UNC5D: variants seen among roughly 807,000 people sequenced by gnomAD.
UNC5D encodes the protein netrin receptor UNC5D.
In UNC5D, 39 loss-of-function variants were observed where a neutral mutation model predicts 105.4. The observed-to-expected ratio is 0.37, with a 90% confidence interval of 0.29 to 0.48. UNC5D has a LOEUF of 0.48. Ranked by LOEUF, UNC5D falls within the 20% of genes least tolerant of loss-of-function variation. UNC5D has a pLI of 0.98. For missense variants in UNC5D, 991 were observed against 1,202.4 expected (o/e 0.82, Z 2.60); for synonymous variants, 452 against 450.4 (o/e 1.00, Z -0.04).
rs371386976 is a variant in UNC5D at position 35,438,186 on chromosome 8, G to A, written c.104-111106G>A. ...AGAAGGCAATATGATACAGTAAGGA[G>A]ACCGACTCCAGACAGACGTGGCTTT... On this transcript the variant is annotated intron_variant, in intron 1 of 16. Coordinates refer to ENST00000404895, the MANE Select transcript of UNC5D (RefSeq NM_080872.4). Among the ~76,000 whole-genome samples, 26 of 152,116 alleles carry A rather than the reference G, an allele frequency of 1.7e-4. No individual in the cohort carries two copies. In the East Asian group the frequency reaches 2.7e-3, roughly 16 times the overall value.
intron 1 of UNC5D, among the ~76,000 whole-genome samples, chr8:35,257,312 T>C (rs1804153647): frequency 6.6e-6 from 1 of 152,158 alleles, no homozygotes; most frequent in Non-Finnish European, 1.5e-5. Flanking sequence ...CAGTTTTTCC[T>C]ACTGTGTAAC....
At position 35,552,154 on chromosome 8, in the gene UNC5D, C is replaced by T. The variant is rs1324842778; in HGVS notation, c.322+2644C>T. Reference sequence around the variant, plus strand: ...GCCCCTTTTAGAGATGTTCTTCAGACCAAAGCATGCGTAGAATCCTAGAAT... The same window carrying T: ...GCCCCTTTTAGAGATGTTCTTCAGATCAAAGCATGCGTAGAATCCTAGAAT... On this transcript the variant is annotated intron_variant, in intron 2 of 16. Coordinates refer to ENST00000404895, the MANE Select transcript of UNC5D (RefSeq NM_080872.4). 5.9e-5 allele frequency among the ~76,000 whole-genome samples: 9 copies of T among 152,238 alleles called. No homozygotes were observed. In the East Asian group the frequency reaches 1.2e-3, roughly 20 times the overall value.
intron 1 of UNC5D, among the ~76,000 whole-genome samples, chr8:35,393,795 T>A (rs113990865): frequency 5.9e-5 from 9 of 152,342 alleles, no homozygotes; most frequent in African/African-American, 2.2e-4. Flanking sequence ...AGAAGATATG[T>A]GGCTCCTATG....
At chr8:35,584,883 T>G (rs2130856811) in intron 3 of UNC5D, among the ~76,000 whole-genome samples, 1 of 152,350 alleles carries the variant, frequency 6.6e-6, no homozygotes, top group East Asian at 1.9e-4. Flanking sequence ...GTTAAGATTT[T>G]TATCTTCCTA....
intron 4 of UNC5D, among the ~76,000 whole-genome samples, chr8:35,600,007 G>A (rs536430325): frequency 6.6e-6 from 1 of 151,880 alleles, no homozygotes; most frequent in Admixed American, 6.6e-5. Flanking sequence ...CTGTGTCCAT[G>A]TGTTCTCATT....
chr8:35,460,443 G>T (rs1203985373), intron 1 of UNC5D, among the ~76,000 whole-genome samples: 1 of 152,140 alleles, frequency 6.6e-6, no homozygotes, highest in Non-Finnish European at 1.5e-5. Flanking sequence ...GCCTGAACTT[G>T]TTAACTGGAA....
At chr8:35,339,804 A>G (rs1051987935) in intron 1 of UNC5D, among the ~76,000 whole-genome samples, 1 of 152,204 alleles carries the variant, frequency 6.6e-6, no homozygotes, top group Non-Finnish European at 1.5e-5. Context: ...ATTGTTCTAA[A>G]GCACCATCTT....
At chr8:35,660,358 G>A (rs891434244) in intron 4 of UNC5D, among the ~76,000 whole-genome samples, 5 of 152,124 alleles carry the variant, frequency 3.3e-5, no homozygotes, top group Non-Finnish European at 5.9e-5. Flanking sequence ...TAGTTGCTTC[G>A]CAGCTATTTT....
rs1586467236 is a variant in UNC5D, at chr8:35,698,461, G to T, written c.1085-7468G>T. ...CTCAGCAACCACCATTCTACTCTCT[G>T]TCTCTATGAGTTTGGTATCTTTAGA... On this transcript the variant is annotated intron_variant, in intron 7 of 16. Coordinates refer to ENST00000404895, the MANE Select transcript of UNC5D (RefSeq NM_080872.4). Among the ~76,000 whole-genome samples the T allele has an allele frequency of 2.0e-5, 3 of 151,518 alleles. No individual in the cohort carries two copies. In the East Asian group the frequency reaches 5.8e-4, roughly 29 times the overall value.
At chr8:35,580,916 G>T (rs1341846196) in intron 3 of UNC5D, among the ~76,000 whole-genome samples, 1 of 152,192 alleles carries the variant, frequency 6.6e-6, no homozygotes, top group African/African-American at 2.4e-5. Context: ...TTTAAAAAGT[G>T]TAGAGAGGGA....
intron 1 of UNC5D, among the ~76,000 whole-genome samples, chr8:35,374,007 T>A (rs901712107): frequency 6.6e-6 from 1 of 152,172 alleles, no homozygotes; most frequent in Non-Finnish European, 1.5e-5. Flanking sequence ...TAAAAGGCTA[T>A]TTTTTATATG....
intron 1 of UNC5D, among the ~76,000 whole-genome samples, chr8:35,367,752 C>G (rs1485684563): frequency 6.6e-6 from 1 of 152,086 alleles, no homozygotes; most frequent in Non-Finnish European, 1.5e-5. Flanking sequence ...GTTGCTGGAG[C>G]CTTGGAGTTT....
chr8:35,381,105 G>C (rs1803018761), intron 1 of UNC5D, among the ~76,000 whole-genome samples: 1 of 152,042 alleles, frequency 6.6e-6, no homozygotes, highest in Non-Finnish European at 1.5e-5. Flanking sequence ...CTTCCAGGAA[G>C]AATTATTGAT....
intron 1 of UNC5D, among the ~76,000 whole-genome samples, chr8:35,309,831 A>G (rs1808738383): frequency 6.6e-6 from 1 of 152,178 alleles, no homozygotes; most frequent in African/African-American, 2.4e-5. Context: ...ATAGGGCCCA[A>G]ATAATTGCAT....
chr8:35,519,465 A>G (rs1274543930), intron 1 of UNC5D, among the ~76,000 whole-genome samples: 1 of 152,102 alleles, frequency 6.6e-6, no homozygotes, highest in African/African-American at 2.4e-5. Flanking sequence ...GTGGCCCACT[A>G]GTTTGACCAG....
chr8:35,435,136 G>T (rs551378992), intron 1 of UNC5D, among the ~76,000 whole-genome samples: 1 of 151,924 alleles, frequency 6.6e-6, no homozygotes, highest in Non-Finnish European at 1.5e-5. Context: ...TTTTTATGTG[G>T]GGTTTATCAA....
intron 1 of UNC5D, among the ~76,000 whole-genome samples, chr8:35,437,813 C>T (rs1418603730): frequency 6.7e-6 from 1 of 150,250 alleles, no homozygotes; most frequent in East Asian, 1.9e-4. Context: ...TGGTTTGCTG[C>T]TTTGTGAATT....
chr8:35,678,629 C>A (rs1208377527), intron 4 of UNC5D, among the ~76,000 whole-genome samples: 1 of 151,864 alleles, frequency 6.6e-6, no homozygotes, highest in Non-Finnish European at 1.5e-5. Context: ...TAACACTAAC[C>A]ATAATTTTAT....
At chr8:35,277,884 G>C (rs528167613) in intron 1 of UNC5D, among the ~76,000 whole-genome samples, 4 of 152,152 alleles carry the variant, frequency 2.6e-5, no homozygotes, top group Non-Finnish European at 4.4e-5. Flanking sequence ...TTTCAGAGAT[G>C]GTATTGAATG....
Sources: allele counts gnomAD v4.1 joint callset (sites outside exome capture counted in the v4.1 genomes callset), GRCh38; gene constraint gnomAD v4.1.1; transcripts MANE v1.5; gene names NCBI Gene and HGNC (gene_info 2026-07-23, HGNC 2026-07-21).